The following STAT5B variants were observed in gnomAD, a reference collection of about 807,000 sequenced individuals.
The protein encoded by STAT5B is signal transducer and activator of transcription 5B, also known as transcription factor STAT5B.
Under a neutral mutation model 107.8 loss-of-function variants are expected in STAT5B, and 21 were observed. The observed-to-expected ratio is 0.19, with a 90% CI of 0.14 to 0.28. The LOEUF (loss-of-function observed/expected upper bound fraction) is 0.28. Ranked by LOEUF, STAT5B falls within the 10% of genes least tolerant of loss-of-function variation. The pLI is 1.00. For missense variants in STAT5B, 565 were observed against 1,008.2 expected, an observed-to-expected ratio of 0.56 and a Z score of 5.95; for synonymous variants, 325 against 401.7, an observed-to-expected ratio of 0.81 and a Z score of 2.28.
At chr17:42,204,299 G>A (rs983724991) in intron 16 of STAT5B, among the ~76,000 whole-genome samples, 3 of 152,172 alleles carry the variant, frequency 2.0e-5, no homozygotes, top group African/African-American at 4.8e-5. Context: ...AGGTAAGCAG[G>A]TGGTAAGAAT....
At chr17:42,249,612 A>G (rs2080481164) in intron 1 of STAT5B, among the ~76,000 whole-genome samples, 1 of 152,176 alleles carries the variant, frequency 6.6e-6, no homozygotes, top group Non-Finnish European at 1.5e-5. Context: ...TAGATTAGAC[A>G]TGGAGAAAAG....
In STAT5B at chr17:42,265,377, C is replaced by CTTTTTTTTTTTTTTTTTTTTTTTT. The variant is rs371149930; in HGVS notation, c.-11+10870_-11+10871insAAAAAAAAAAAAAAAAAAAAAAAA. ...GCTAAGTCAAAGGGTATGTACTCTT[C>CTTTTTTTTTTTTTTTTTTTTTTTT]TTTTTTTTTTTTGAGACGAAGTCTC... On this transcript the variant is annotated intron_variant, in intron 1 of 18. Transcript: ENST00000293328. 6.1e-3 allele frequency among the ~76,000 whole-genome samples: 678 copies of CTTTTTTTTTTTTTTTTTTTTTTTT among 110,416 alleles called. 113 individuals are homozygous for CTTTTTTTTTTTTTTTTTTTTTTTT. Among genetic ancestry groups the CTTTTTTTTTTTTTTTTTTTTTTTT allele is most frequent in the Non-Finnish European group, 9.1e-3 (473 of 51,980 alleles). The allele number at this position is 110,416 out of a possible 152,430, so 72.4% of individuals were successfully genotyped here. A position where few individuals can be genotyped will look rare whatever the true frequency, so the allele number is the denominator to read the frequency against.
chr17:42,254,954 G>A (rs1022270510), intron 1 of STAT5B, among the ~76,000 whole-genome samples: 12 of 152,100 alleles, frequency 7.9e-5, no homozygotes, highest in African/African-American at 2.4e-4. Flanking sequence ...AGCTGGGTGT[G>A]GTGGCATGCG....
intron 1 of STAT5B, among the ~76,000 whole-genome samples, chr17:42,242,630 A>G (rs1458205436): frequency 7.3e-6 from 1 of 136,374 alleles, no homozygotes; most frequent in Non-Finnish European, 1.6e-5. Context: ...GAACTGTTCT[A>G]GGTTAAAGGA....
intron 1 of STAT5B, among the ~76,000 whole-genome samples, chr17:42,249,221 G>A (rs962525027): frequency 4.6e-5 from 7 of 152,030 alleles, no homozygotes; most frequent in South Asian, 2.1e-4. Flanking sequence ...GTGAAACCCC[G>A]TCTCTACCAA....
chr17:42,242,931 C>T (rs554839360), intron 1 of STAT5B, among the ~76,000 whole-genome samples: 321 of 152,092 alleles, frequency 2.1e-3, no homozygotes, highest in Non-Finnish European at 3.7e-3. Context: ...AGGCAGCATG[C>T]TCCTTAAGAG....
intron 5 of STAT5B, among the ~76,000 whole-genome samples, chr17:42,221,498 T>C (rs975081236): frequency 6.6e-6 from 1 of 152,340 alleles, no homozygotes; most frequent in East Asian, 1.9e-4. Context: ...CACTGCGTGA[T>C]AGATCCAAAC....
At chr17:42,220,441 C>T (rs2080215202) in intron 5 of STAT5B, among the ~76,000 whole-genome samples, 1 of 152,168 alleles carries the variant, frequency 6.6e-6, no homozygotes, top group Non-Finnish European at 1.5e-5. Context: ...GCTGCTCGGC[C>T]CCATCCCTCC....
Position 42,224,839 on chromosome 17 carries a change from C to G in STAT5B, c.315G>C (p.Leu105=). Residue 105 remains leucine (L), a synonymous_variant, in exon 4 of 19, where the codon CTG becomes CTC. Coordinates refer to ENST00000293328, the MANE Select transcript of STAT5B (RefSeq NM_012448.4). ...ACAATATATGGCGGATGCAGCGGAC[C>G]AGCTCCATGGGGCAGCGGTCATACG... ...QNTYDRCPME[L]VRCIRHILYN... 6.2e-7 allele frequency: 1 copy of G among 1,613,776 alleles called. No homozygotes were observed. The highest frequency in any genetic ancestry group is 8.5e-7 in the Non-Finnish European group (1 of 1,179,832).
At chr17:42,234,273 CTATT>C (rs1296180255) in intron 1 of STAT5B, 1 of 152,110 alleles carries the variant, frequency 6.6e-6, no homozygotes, top group South Asian at 2.1e-4. Context: ...TGCCAGTTAT[CTATT>C]TTAGACTAGT....
At chr17:42,281,688 C>T (rs2080796285), upstream of STAT5B, among the ~76,000 whole-genome samples, 2 of 152,192 alleles carry the variant, frequency 1.3e-5, no homozygotes, top group South Asian at 4.1e-4. Flanking sequence ...CACACACCTG[C>T]TCTCAGTCTT....
intron 1 of STAT5B, among the ~76,000 whole-genome samples, chr17:42,272,942 G>A (rs1351805939): frequency 2.6e-5 from 4 of 152,140 alleles, no homozygotes; most frequent in Non-Finnish European, 5.9e-5. Context: ...AGTAAAAACA[G>A]CATAGATTTA....
intron 1 of STAT5B, among the ~76,000 whole-genome samples, chr17:42,266,984 T>A (rs540436422): frequency 1.3e-5 from 2 of 152,366 alleles, no homozygotes; most frequent in South Asian, 4.1e-4. Context: ...CACCACATAA[T>A]GACGTTTCAG....
chr17:42,223,243 T>A, intron 5 of STAT5B, 139 bp downstream of exon 5: 1 of 1,293,520 alleles, frequency 7.7e-7, no homozygotes, highest in South Asian at 1.3e-5. Context: ...CTGTCTTCAA[T>A]GCAAATAAGT....
chr17:42,226,106 T>TA (rs1432412616), intron 3 of STAT5B, among the ~76,000 whole-genome samples: 1 of 152,064 alleles, frequency 6.6e-6, no homozygotes, highest in Non-Finnish European at 1.5e-5. Context: ...AGTTAATTTC[T>TA]GTATTTTTAG....
upstream of STAT5B, among the ~76,000 whole-genome samples, chr17:42,278,424 A>C (rs938223209): frequency 5.9e-5 from 9 of 152,240 alleles, no homozygotes; most frequent in Non-Finnish European, 1.5e-5. Flanking sequence ...GACAGGGTCT[A>C]GCCCGGTGTG....
Position 42,201,423 on chromosome 17 carries a change from T to C in STAT5B, c.*315A>G. Reference sequence around the variant, plus strand: ...CAGGCTTCACGAAACTCACTGCCTTTTTGCACAAAGTAAAAACCACCACAG... The same window carrying C: ...CAGGCTTCACGAAACTCACTGCCTTCTTGCACAAAGTAAAAACCACCACAG... On this transcript the variant is annotated 3_prime_UTR_variant, in exon 19 of 19. Transcript: ENST00000293328. 1.7e-6 allele frequency: 1 copy of C among 597,478 alleles called. No homozygotes were observed. The allele number at this position is 597,478 out of a possible 1,614,324, so 37.0% of individuals were successfully genotyped here.
rs185428856 is a variant in STAT5B at position 42,232,167 on chromosome 17, G to A, written c.-10-30C>T. Reference sequence around the variant, plus strand: ...TGAACAAACAATCAGTGCTTTGGGCGTTTTTTCTTTATTTTCCCCTTACAT... The same window carrying A: ...TGAACAAACAATCAGTGCTTTGGGCATTTTTTCTTTATTTTCCCCTTACAT... On this transcript the variant is annotated intron_variant, in intron 1 of 18. Coordinates refer to ENST00000293328, the MANE Select transcript of STAT5B (RefSeq NM_012448.4). The A allele has an allele frequency of 3.2e-5, 52 of 1,604,438 alleles. No individual in the cohort carries two copies. The East Asian group carries it at 8.1e-4, about 25-fold the overall frequency.
chr17:42,229,158 C>G (rs931865408), intron 2 of STAT5B, among the ~76,000 whole-genome samples: 1 of 152,050 alleles, frequency 6.6e-6, no homozygotes, highest in Non-Finnish European at 1.5e-5. Flanking sequence ...GAAACCCACT[C>G]TTTTTCTTTG....
Sources: gnomAD v4.1 joint callset for allele counts (sites outside exome capture counted in the v4.1 genomes callset) on GRCh38, gnomAD v4.1.1 for gene constraint, MANE v1.5 for transcripts, NCBI Gene and HGNC (gene_info 2026-07-23, HGNC 2026-07-21) for gene names.